Variants in ZNF214 observed in about 807,000 individuals in gnomAD.
The protein encoded by ZNF214 is BWSCR2-associated zinc finger protein 1.
ZNF214 carries 43 observed loss-of-function variants against 53.9 expected under a neutral mutation model. The ratio of observed to expected loss-of-function variants is 0.80; its 90% CI spans 0.63 to 1.03. The LOEUF is 1.03. Ranked by LOEUF, ZNF214 falls within the 50% of genes least tolerant of loss-of-function variation. The pLI, the probability that ZNF214 is intolerant of heterozygous loss-of-function variation, is 0.00. For missense variants in ZNF214, 724 were observed against 719.1 expected (o/e 1.01, Z -0.08); for synonymous variants, 217 against 229.5 (o/e 0.95, Z 0.49).
chr11:7,002,301 C>T (rs775901583), intron 2 of ZNF214, among the ~76,000 whole-genome samples: 16 of 151,836 alleles, frequency 1.1e-4, no homozygotes, highest in African/African-American at 1.2e-4. Context: ...ACCAAATCCT[C>T]CATGATAAAA....
intron 2 of ZNF214, among the ~76,000 whole-genome samples, chr11:7,001,845 G>T (rs10839678): frequency 0.58 from 87,768 of 151,916 alleles, 26,277 homozygotes; most frequent in East Asian, 0.73. Flanking sequence ...TGAGAATAAT[G>T]CCAACTGCTT....
chr11:7,016,072 G>A (rs917508473), intron 1 of ZNF214: 40 of 151,462 alleles, frequency 2.6e-4, no homozygotes, highest in African/African-American at 8.7e-4. Flanking sequence ...CAATTCTTAC[G>A]TCTTAGTGAC....
chr11:7,002,633 C>T, intron 2 of ZNF214, 76 bp downstream of exon 2: 2 of 1,424,722 alleles, frequency 1.4e-6, no homozygotes, highest in Non-Finnish European at 1.9e-6. Context: ...ATATAACACC[C>T]AGATAAAAAA....
rs531257223 is a variant in ZNF214 at position 7,012,731 on chromosome 11, A to T, written c.-21+7342T>A. On this transcript the variant is annotated intron_variant, in intron 1 of 2. Transcript: ENST00000278314. ...TATCCCAAGGCATCAAAAACTGTTC[A>T]AGGCATCAGAAACGAAAAACTCTTC... Among the ~76,000 whole-genome samples, 4 of 152,340 alleles carry T rather than the reference A, an allele frequency of 2.6e-5. No homozygotes were observed. The East Asian group carries it at 7.7e-4, about 29-fold the overall frequency.
At chr11:7,009,040 C>A (rs915222782) in intron 1 of ZNF214, among the ~76,000 whole-genome samples, 1 of 151,950 alleles carries the variant, frequency 6.6e-6, no homozygotes, top group African/African-American at 2.4e-5. Context: ...TTCCATCAAA[C>A]TACCAATGAC....
rs186306911 is a variant in ZNF214, at chr11:7,000,673, T to G, written c.1010A>C (p.Lys337Thr). 8.1e-6 allele frequency: 13 copies of G among 1,601,134 alleles called. No individual in the cohort carries two copies. The Admixed American group carries it at 2.1e-4, about 26-fold the overall frequency. The part of the protein sequence containing the change: ...EEKFYKIECD[K>T]DLSRNSLLHI... ...AAGTAATGAATTTCTACTGAGGTCT[T>G]TATCACACTCAATTTTATAGAATTT... The change falls in exon 3 of 3, where the codon AAA (lysine) becomes ACA (threonine). Residue 337 changes from lysine (K) to threonine (T), a missense_variant. Physicochemically the swap from Lys to Thr is moderately conservative, Grantham distance 78. Transcript: ENST00000278314.
rs542487784 is a variant in ZNF214, at chr11:6,999,180, G to A, written c.*682C>T. ...GTATCTGAACCTATTATTAAGCGTG[G>A]AAAACCGGAAAGGGAAGGGATGAGT... On this transcript the variant is annotated 3_prime_UTR_variant, in exon 3 of 3. Coordinates refer to ENST00000278314, the MANE Select transcript of ZNF214 (RefSeq NM_013249.4). 1 of 151,914 alleles carries A rather than the reference G, an allele frequency of 6.6e-6. No homozygotes were observed. Among genetic ancestry groups the A allele is most frequent in the Non-Finnish European group, 1.5e-5 (1 of 67,948 alleles). 9.4% of individuals were successfully genotyped at this position (151,914 alleles called of 1,614,324 possible).
At position 6,999,596 on chromosome 11, in the gene ZNF214, A is replaced by AAC. The variant is rs1244665876; in HGVS notation, c.*265_*266insGT. Reference sequence around the variant, plus strand: ...AAAAAGACTAGAATGAAATAGAATGAAGAGTTTTCTCCTTAAATGTTTAAT... The same window carrying AAC: ...AAAAAGACTAGAATGAAATAGAATGAACAGAGTTTTCTCCTTAAATGTTTAAT... On this transcript the variant is annotated 3_prime_UTR_variant, in exon 3 of 3. Coordinates refer to ENST00000278314, the MANE Select transcript of ZNF214 (RefSeq NM_013249.4). The AAC allele has an allele frequency of 4.0e-6, 1 of 251,644 alleles. No individual in the cohort carries two copies. The highest frequency in any genetic ancestry group is 4.8e-5 in the Admixed American group (1 of 20,626). 15.6% of individuals were successfully genotyped at this position (251,644 alleles called of 1,614,324 possible).
rs749309779 is a variant in ZNF214, at chr11:6,997,753, G to A, written c.*2109C>T. Among the ~76,000 whole-genome samples the A allele has an allele frequency of 6.6e-6, 1 of 151,810 alleles. No individual in the cohort carries two copies. Among genetic ancestry groups the A allele is most frequent in the Non-Finnish European group, 1.5e-5 (1 of 67,850 alleles). On this transcript the variant is annotated 3_prime_UTR_variant, in exon 3 of 3. Coordinates refer to ENST00000278314, the MANE Select transcript of ZNF214 (RefSeq NM_013249.4). ...AGTTAAATTTGAATTTCAAATGTATGAAATTTTAGTGTAAGTCCCATGCAA... is the reference window on the plus strand; with the variant it reads ...AGTTAAATTTGAATTTCAAATGTATAAAATTTTAGTGTAAGTCCCATGCAA...
chr11:7,008,741 A>G (rs1052429619), intron 1 of ZNF214, among the ~76,000 whole-genome samples: 1 of 152,204 alleles, frequency 6.6e-6, no homozygotes, highest in African/African-American at 2.4e-5. Context: ...GGAAAGTTTC[A>G]GGATACGAAA....
chr11:7,019,869 A>T (rs1394790187), intron 1 of ZNF214: 1 of 152,200 alleles, frequency 6.6e-6, no homozygotes, highest in African/African-American at 2.4e-5. Context: ...AAGTGTAAGC[A>T]CCAGAGAACC....
intron 1 of ZNF214, among the ~76,000 whole-genome samples, chr11:7,012,228 T>C (rs1851621169): frequency 6.6e-6 from 1 of 152,198 alleles, no homozygotes; most frequent in African/African-American, 2.4e-5. Flanking sequence ...TGTGCTTCTT[T>C]ATCTACAAAA....
At chr11:7,008,655 G>A (rs1282902640) in intron 1 of ZNF214, among the ~76,000 whole-genome samples, 1 of 152,080 alleles carries the variant, frequency 6.6e-6, no homozygotes. Context: ...ATCTCTGTTT[G>A]CAGATGACAT....
rs1416713090 is a variant in ZNF214 at position 7,000,724 on chromosome 11, T to A, written c.959A>T (p.Asn320Ile). The change falls in exon 3 of 3, where the codon AAT becomes ATT. Residue 320 changes from asparagine (N) to isoleucine (I), a missense_variant. Asn to Ile is a moderately radical substitution (Grantham distance 149). Transcript: ENST00000278314. ...KSFSQISSLH[N>I]HQRVHTEEKF... The stretch of plus-strand genomic sequence containing the variant: ...CTCTTCTGTGTGGACTCTTTGATGA[T>A]TGTGAAGACTAGAGATCTGGCTGAA... 6.2e-7 allele frequency: 1 copy of A among 1,610,504 alleles called. No individual in the cohort carries two copies. The highest frequency in any genetic ancestry group is 8.5e-7 in the Non-Finnish European group (1 of 1,179,072).
rs537720412 is a variant in ZNF214 at position 7,000,985 on chromosome 11, C to T, written c.698G>A (p.Arg233Gln). Residue 233 changes from arginine to glutamine, a missense_variant, in exon 3 of 3, where the codon CGG (arginine) becomes CAG (glutamine). Transcript: ENST00000278314. ...TTGATTTCTCTTGTGGAAAACACACCGTGAGTTCCAATAATAAATTCCTTT... is the reference window on the plus strand; with the variant it reads ...TTGATTTCTCTTGTGGAAAACACACTGTGAGTTCCAATAATAAATTCCTTT... Reference protein sequence around the residue: ...KCKGIYYWNSRCVFHKRNQPG... With the variant: ...KCKGIYYWNSQCVFHKRNQPG... The T allele has an allele frequency of 2.0e-5, 33 of 1,612,910 alleles. No homozygotes were observed. Among genetic ancestry groups the T allele is most frequent in the Middle Eastern group, 1.7e-4 (1 of 6,058 alleles).
intron 1 of ZNF214, among the ~76,000 whole-genome samples, chr11:7,016,637 A>G (rs1269703389): frequency 3.9e-5 from 6 of 152,208 alleles, no homozygotes; most frequent in African/African-American, 1.4e-4. Flanking sequence ...GACAGCCTCA[A>G]AAGTAATCTT....
At chr11:7,014,125 A>G (rs11041136) in intron 1 of ZNF214, among the ~76,000 whole-genome samples, 87,906 of 152,004 alleles carry the variant, frequency 0.58, 26,394 homozygotes, top group East Asian at 0.74. Context: ...GTGAAACTAC[A>G]GCATAATGCA....
Position 7,000,776 on chromosome 11 carries a change from A to C in ZNF214, c.907T>G (p.Tyr303Asp), listed in dbSNP as rs759755985. Residue 303 changes from tyrosine (Y) to aspartate (D), a missense_variant, in exon 3 of 3, where the codon TAT (tyrosine) becomes GAT (aspartate). Coordinates refer to ENST00000278314, the MANE Select transcript of ZNF214 (RefSeq NM_013249.4). ...HQRVHIGEVP[Y>D]SCNACGKSFS... ...CTCTTACCACATGCATTACAGCTAT[A>C]AGGTACCTCCCCTATGTGAACTCTC... 19 of 1,610,708 alleles carry C rather than the reference A, an allele frequency of 1.2e-5. No homozygotes were observed. The highest frequency in any genetic ancestry group is 1.6e-5 in the Non-Finnish European group (19 of 1,179,244).
intron 1 of ZNF214, among the ~76,000 whole-genome samples, chr11:7,017,528 G>T (rs1339733151): frequency 6.6e-6 from 1 of 152,158 alleles, no homozygotes; most frequent in African/African-American, 2.4e-5. Flanking sequence ...CCTGAGCTCA[G>T]GAGTTCAAGA....
Sources: gnomAD v4.1 joint callset for allele counts (sites outside exome capture counted in the v4.1 genomes callset) on GRCh38, gnomAD v4.1.1 for gene constraint, MANE v1.5 for transcripts, NCBI Gene and HGNC (gene_info 2026-07-23, HGNC 2026-07-21) for gene names.